FGD4: variants seen among roughly 807,000 people sequenced by gnomAD.
FGD4 encodes the protein FYVE, RhoGEF and PH domain containing 4.
In FGD4, 42 loss-of-function variants were observed where a neutral mutation model predicts 102.0. That is an observed-to-expected ratio of 0.41 (90% CI 0.32 to 0.53). The LOEUF is 0.53. Ranked by LOEUF, FGD4 falls within the 20% of genes least tolerant of loss-of-function variation. The pLI is 0.21. For missense variants in FGD4, 902 were observed against 1,078.2 expected (o/e 0.84, Z 2.29); for synonymous variants, 380 against 375.7 (o/e 1.01, Z -0.13).
intron 1 of FGD4, among the ~76,000 whole-genome samples, chr12:32,548,286 A>T (rs1943387706): frequency 6.6e-6 from 1 of 152,184 alleles, no homozygotes; most frequent in Non-Finnish European, 1.5e-5. Context: ...TTCTTATCAA[A>T]TGAAGTGTTT....
At chr12:32,598,085 C>T (rs1014189728) in intron 4 of FGD4, among the ~76,000 whole-genome samples, 12 of 151,968 alleles carry the variant, frequency 7.9e-5, no homozygotes, top group African/African-American at 2.7e-4. Context: ...TGAGCCACTG[C>T]GGCTGGCCTA....
At chr12:32,608,624 C>T (rs4931642) in intron 8 of FGD4, among the ~76,000 whole-genome samples, 94,504 of 152,102 alleles carry the variant, frequency 0.62, 32,116 homozygotes, top group African/African-American at 0.9. Context: ...ATTTTTTCAT[C>T]AGATTATAAT....
chr12:32,478,683 T>C lies in FGD4; in HGVS notation c.166+78724T>C, dbSNP rs545492518. ...TTTTACTTTCCCACACCTGAGTAGTTTGCAAGTGTGATTGACTTTGTGCTT... is the reference window on the plus strand; with the variant it reads ...TTTTACTTTCCCACACCTGAGTAGTCTGCAAGTGTGATTGACTTTGTGCTT... On this transcript the variant is annotated intron_variant, in intron 1 of 16. Coordinates refer to ENST00000534526, the MANE Select transcript of FGD4 (RefSeq NM_001370298.3). Among the ~76,000 whole-genome samples, 12 of 152,366 alleles carry C rather than the reference T, an allele frequency of 7.9e-5. No homozygotes were observed. In the East Asian group the frequency reaches 2.3e-3, roughly 29 times the overall value.
At chr12:32,633,833 G>A (rs1012896839) in intron 15 of FGD4, 144 bp downstream of exon 15, 13 of 711,294 alleles carry the variant, frequency 1.8e-5, no homozygotes, top group South Asian at 7.1e-5. Flanking sequence ...ACAGGCCCAC[G>A]CCACCATGCC....
intron 1 of FGD4, among the ~76,000 whole-genome samples, chr12:32,558,427 G>C (rs1241020918): frequency 6.6e-6 from 1 of 152,180 alleles, no homozygotes; most frequent in Admixed American, 6.5e-5. Flanking sequence ...GGATGGATGA[G>C]ACAGTATAAG....
rs565448484 is a variant in FGD4 at position 32,437,231 on chromosome 12, T to A, written c.166+37272T>A. The stretch of plus-strand genomic sequence containing the variant: ...TCAGACGTTTGGCCAGACGGCTGAT[T>A]ACAAAACATAGGATGACTTCAAGCT... On this transcript the variant is annotated intron_variant, in intron 1 of 16. Transcript: ENST00000534526. Among the ~76,000 whole-genome samples, 7 of 152,188 alleles carry A rather than the reference T, an allele frequency of 4.6e-5. No individual in the cohort carries two copies. In the South Asian group the frequency reaches 1.5e-3, roughly 32 times the overall value.
Position 32,604,936 on chromosome 12 carries a change from CTTTTT to C in FGD4, c.1404+2634_1404+2638del, listed in dbSNP as rs575943561. Among the ~76,000 whole-genome samples, 4 of 94,542 alleles carry C rather than the reference CTTTTT, an allele frequency of 4.2e-5. 1 individual carries two copies. The highest frequency in any genetic ancestry group is 1.5e-4 in the African/African-American group (3 of 20,010). 62.0% of individuals were successfully genotyped at this position (94,542 alleles called of 152,430 possible). On this transcript the variant is annotated intron_variant, in intron 7 of 16. Transcript: ENST00000534526. ...TCAATTTTATCTAGCTTTATAGCTG[CTTTTT>C]TTTTTTTTTTTTTTGGAGTTAGAGT...
At chr12:32,466,510 T>C (rs2136507495) in intron 1 of FGD4, among the ~76,000 whole-genome samples, 1 of 152,224 alleles carries the variant, frequency 6.6e-6, no homozygotes, top group African/African-American at 2.4e-5. Flanking sequence ...TGGAGGGCAG[T>C]CTGCTTTGCT....
rs969302124 is a variant in FGD4 at position 32,441,519 on chromosome 12, T to C, written c.166+41560T>C. Among the ~76,000 whole-genome samples the C allele has an allele frequency of 2.0e-5, 3 of 152,052 alleles. No individual in the cohort carries two copies. In the East Asian group the frequency reaches 5.9e-4, roughly 30 times the overall value. ...CTACGGTGCCCTTTCCTGCTATGGC[T>C]AAGCTGGTGTCCAAAATGCAAGATA... On this transcript the variant is annotated intron_variant, in intron 1 of 16. Transcript: ENST00000534526.
chr12:32,469,470 A>T (rs10771953), intron 1 of FGD4, among the ~76,000 whole-genome samples: 1 of 150,648 alleles, frequency 6.6e-6, no homozygotes, highest in Non-Finnish European at 1.5e-5. Context: ...TAGTAGAAAC[A>T]GGATTTCACC....
intron 1 of FGD4, among the ~76,000 whole-genome samples, chr12:32,474,680 T>C (rs1256558880): frequency 6.6e-6 from 1 of 151,848 alleles, no homozygotes; most frequent in Non-Finnish European, 1.5e-5. Context: ...GAGGCCAAGG[T>C]GGGTTGATTG....
rs534591998 is a variant in FGD4, at chr12:32,477,294, A to G, written c.166+77335A>G. The G allele has an allele frequency of 5.2e-5, 8 of 152,424 alleles. No individual in the cohort carries two copies. In the East Asian group the frequency reaches 1.5e-3, roughly 29 times the overall value. 9.4% of individuals were successfully genotyped at this position (152,424 alleles called of 1,614,324 possible). On this transcript the variant is annotated intron_variant, in intron 1 of 16. Coordinates refer to ENST00000534526, the MANE Select transcript of FGD4 (RefSeq NM_001370298.3). Reference sequence around the variant, plus strand: ...TAGAGTGAGACTCCGTCTCAAAAAAAAAAAAACCTTGAAGATCTGGAAGGA... The same window carrying G: ...TAGAGTGAGACTCCGTCTCAAAAAAGAAAAAACCTTGAAGATCTGGAAGGA...
At chr12:32,494,564 C>T (rs1283548235) in intron 1 of FGD4, among the ~76,000 whole-genome samples, 2 of 152,294 alleles carry the variant, frequency 1.3e-5, no homozygotes, top group East Asian at 3.9e-4. Flanking sequence ...CTGGTGATAC[C>T]TGTTTTTATG....
intron 1 of FGD4, among the ~76,000 whole-genome samples, chr12:32,435,498 A>AGTGTGTGTGTGTGTGTGTGTGTGTGT (rs3076971): frequency 9.3e-4 from 139 of 149,712 alleles, no homozygotes; most frequent in African/African-American, 2.9e-3. Context: ...CAATTAAAAA[A>AGTGTGTGTGTGTGTGTGTGTGTGTGT]GTGTGTGTGT....
intron 1 of FGD4, among the ~76,000 whole-genome samples, chr12:32,471,227 T>G (rs1943407978): frequency 6.6e-6 from 1 of 152,150 alleles, no homozygotes; most frequent in Non-Finnish European, 1.5e-5. Context: ...GGGCTTCAAC[T>G]GAGCCAGGCA....
At chr12:32,514,485 A>T (rs751405498) in intron 1 of FGD4, among the ~76,000 whole-genome samples, 1 of 151,992 alleles carries the variant, frequency 6.6e-6, no homozygotes, top group South Asian at 2.1e-4. Flanking sequence ...TCTCTCCCCA[A>T]ATAGACTGTG....
intron 4 of FGD4, among the ~76,000 whole-genome samples, chr12:32,596,526 G>A (rs1469614051): frequency 6.6e-6 from 1 of 152,158 alleles, no homozygotes; most frequent in Non-Finnish European, 1.5e-5. Context: ...TCAGTGAGAG[G>A]AAGACTACTG....
At chr12:32,552,444 T>A (rs921737032) in intron 1 of FGD4, among the ~76,000 whole-genome samples, 1 of 67,500 alleles carries the variant, frequency 1.5e-5, no homozygotes, top group Non-Finnish European at 2.8e-5. Flanking sequence ...ATTTTTTTTT[T>A]TTTTTTTTTT....
intron 1 of FGD4, among the ~76,000 whole-genome samples, chr12:32,422,993 G>A (rs1941697320): frequency 6.6e-6 from 1 of 152,162 alleles, no homozygotes; most frequent in Non-Finnish European, 1.5e-5. Flanking sequence ...AGGTGGGGGA[G>A]TGACGATTTA....
Sources: allele counts gnomAD v4.1 joint callset (sites outside exome capture counted in the v4.1 genomes callset), GRCh38; gene constraint gnomAD v4.1.1; transcripts MANE v1.5; gene names NCBI Gene and HGNC (gene_info 2026-07-23, HGNC 2026-07-21).